Variants in CDH12 observed in about 807,000 individuals in gnomAD.
The protein encoded by CDH12 is cadherin 12, also known as cadherin-12.
CDH12 carries 41 observed loss-of-function variants against 74.1 expected under a neutral mutation model. That is an observed-to-expected ratio of 0.55 (90% CI 0.43 to 0.72). The LOEUF (loss-of-function observed/expected upper bound fraction) is 0.72, where lower values mean the gene tolerates loss of function less well. CDH12 is among the 30% of genes least tolerant of loss of function. CDH12 has a pLI of 0.00. For synonymous variants in CDH12, 399 were observed against 355.0 expected (o/e 1.12, Z -1.39); for missense variants, 945 against 977.2 (o/e 0.97, Z 0.44).
chr5:22,616,520 G>T (rs1737697851), intron 1 of CDH12, among the ~76,000 whole-genome samples: 1 of 152,028 alleles, frequency 6.6e-6, no homozygotes, highest in Non-Finnish European at 1.5e-5. Context: ...CCTATATATA[G>T]TTTCTACATT....
intron 9 of CDH12, among the ~76,000 whole-genome samples, chr5:21,814,142 AGTGTGT>A (rs59666017): frequency 0.058 from 8,419 of 145,510 alleles, 323 homozygotes; most frequent in East Asian, 0.15. Context: ...AGGAGAAATG[AGTGTGT>A]GTGTGTGTGT....
At chr5:22,732,962 A>G (rs1744508495) in intron 1 of CDH12, among the ~76,000 whole-genome samples, 1 of 151,874 alleles carries the variant, frequency 6.6e-6, no homozygotes, top group African/African-American at 2.4e-5. Context: ...AAATTTAAAA[A>G]CTAGTTTTAT....
At position 22,139,243 on chromosome 5, in the gene CDH12, T is replaced by C. The variant is rs370074141; in HGVS notation, c.-186-60381A>G. The C allele has an allele frequency of 3.1e-4, 47 of 149,962 alleles. 1 individual carries two copies. In the East Asian group the frequency reaches 4.7e-3, roughly 15 times the overall value. The allele number at this position is 149,962 out of a possible 1,614,324, so 9.3% of individuals were successfully genotyped here. A position where few individuals can be genotyped will look rare whatever the true frequency, so the allele number is the denominator to read the frequency against. ...ACTGAGCACATACATTGTCGGCTAA[T>C]ACATACTCCTTTGTAGGTGAGTGTT... is the stretch of plus-strand genomic sequence containing the variant. On this transcript the variant is annotated intron_variant, in intron 4 of 14. Transcript: ENST00000382254.
At chr5:22,434,170 A>C (rs1744282988) in intron 2 of CDH12, among the ~76,000 whole-genome samples, 1 of 152,140 alleles carries the variant, frequency 6.6e-6, no homozygotes, top group South Asian at 2.1e-4. Context: ...AACTCTATAG[A>C]GTGTTAAAAA....
chr5:22,113,801 C>T (rs1472509644), intron 4 of CDH12, among the ~76,000 whole-genome samples: 1 of 152,152 alleles, frequency 6.6e-6, no homozygotes, highest in African/African-American at 2.4e-5. Context: ...CTTATTCTCT[C>T]TGCTTTTCCT....
chr5:22,150,118 C>T (rs985416811), intron 4 of CDH12, among the ~76,000 whole-genome samples: 2 of 152,050 alleles, frequency 1.3e-5, no homozygotes, highest in Admixed American at 6.6e-5. Flanking sequence ...TTGGAAATAG[C>T]TTTAATTCTA....
intron 1 of CDH12, among the ~76,000 whole-genome samples, chr5:22,852,419 A>G (rs998967897): frequency 2.0e-5 from 3 of 152,222 alleles, no homozygotes; most frequent in African/African-American, 7.2e-5. Context: ...TCACCAAATG[A>G]TCAATAACCT....
chr5:22,522,161 C>A (rs1356318231), intron 1 of CDH12, among the ~76,000 whole-genome samples: 1 of 152,088 alleles, frequency 6.6e-6, no homozygotes, highest in Non-Finnish European at 1.5e-5. Context: ...CTAAGTATTA[C>A]ATAAGCTAAA....
chr5:21,810,538 G>T (rs1747692422), intron 9 of CDH12, among the ~76,000 whole-genome samples: 1 of 152,086 alleles, frequency 6.6e-6, no homozygotes, highest in Non-Finnish European at 1.5e-5. Context: ...TGGGAGCAAA[G>T]AAAGAACTCA....
At position 22,301,263 on chromosome 5, in the gene CDH12, CA is replaced by C. The variant is rs199870752; in HGVS notation, c.-332-88621del. ...CCCTTGTTCCCAAGACACTTTCTAC[CA>C]AAAAAAATATTTTATTCATTCATTC... On this transcript the variant is annotated intron_variant, in intron 3 of 14. Transcript: ENST00000382254. 5.0e-3 allele frequency among the ~76,000 whole-genome samples: 760 copies of C among 151,772 alleles called. 9 individuals are homozygous for C. The highest frequency in any genetic ancestry group is 0.017 in the African/African-American group (720 of 41,426).
rs1186542192 is a variant in CDH12, at chr5:22,059,337, A to G, written c.231+19109T>C. Among the ~76,000 whole-genome samples the G allele has an allele frequency of 1.7e-3, 58 of 34,826 alleles. No individual in the cohort carries two copies. The East Asian group carries it at 0.036, about 21-fold the overall frequency. 22.8% of individuals were successfully genotyped at this position (34,826 alleles called of 152,430 possible). A position where few individuals can be genotyped will look rare whatever the true frequency, so the allele number is the denominator to read the frequency against. The stretch of plus-strand genomic sequence containing the variant: ...TCTATCCATCTATCGTCTATCTATC[A>G]TCTATCTATCTATCTATCTATCTAT... On this transcript the variant is annotated intron_variant, in intron 5 of 14. Coordinates refer to ENST00000382254, the MANE Select transcript of CDH12 (RefSeq NM_004061.5).
chr5:22,010,978 C>G (rs1478593116), intron 5 of CDH12, among the ~76,000 whole-genome samples: 1 of 151,892 alleles, frequency 6.6e-6, no homozygotes, highest in Admixed American at 6.6e-5. Context: ...AGGTGAGATG[C>G]CTTTTGATTC....
chr5:22,309,295 T>G (rs1488440653), intron 3 of CDH12, among the ~76,000 whole-genome samples: 2 of 151,976 alleles, frequency 1.3e-5, no homozygotes, highest in Non-Finnish European at 2.9e-5. Flanking sequence ...CAAGGATTAA[T>G]AGAACAATAA....
At chr5:22,557,180 T>C (rs1738836093) in intron 1 of CDH12, among the ~76,000 whole-genome samples, 4 of 152,154 alleles carry the variant, frequency 2.6e-5, no homozygotes, top group Admixed American at 2.6e-4. Flanking sequence ...TATATTCATA[T>C]AATTAATTTG....
chr5:22,528,192 C>T (rs1737374858), intron 1 of CDH12, among the ~76,000 whole-genome samples: 1 of 152,152 alleles, frequency 6.6e-6, no homozygotes, highest in East Asian at 1.9e-4. Flanking sequence ...ATGACAACTG[C>T]TTCGGGGGAA....
At chr5:21,864,564 T>C (rs1481975233) in intron 6 of CDH12, among the ~76,000 whole-genome samples, 1 of 152,154 alleles carries the variant, frequency 6.6e-6, no homozygotes, top group Non-Finnish European at 1.5e-5. Context: ...TGAATTTCTC[T>C]TCATGATAAA....
intron 3 of CDH12, among the ~76,000 whole-genome samples, chr5:22,254,741 T>C (rs2150389712): frequency 6.6e-6 from 1 of 151,936 alleles, no homozygotes; most frequent in African/African-American, 2.4e-5. Flanking sequence ...TTAATTTTAA[T>C]TTTTTAAATG....
intron 3 of CDH12, among the ~76,000 whole-genome samples, chr5:22,255,094 T>G (rs535538417): frequency 1.3e-5 from 2 of 151,972 alleles, no homozygotes; most frequent in East Asian, 3.9e-4. Flanking sequence ...TCTTCATGAG[T>G]TCAATTTTTT....
chr5:22,687,426 G>A (rs1188275612), intron 1 of CDH12, among the ~76,000 whole-genome samples: 2 of 150,924 alleles, frequency 1.3e-5, no homozygotes, highest in Non-Finnish European at 3.0e-5. Flanking sequence ...TGTTTTTTTT[G>A]AGACAGGGTC....
Sources: gnomAD v4.1 joint callset for allele counts (sites outside exome capture counted in the v4.1 genomes callset) on GRCh38, gnomAD v4.1.1 for gene constraint, MANE v1.5 for transcripts, NCBI Gene and HGNC (gene_info 2026-07-23, HGNC 2026-07-21) for gene names.